Variants in NT5C2 observed in about 807,000 individuals in gnomAD.
The protein encoded by NT5C2 is 5'-nucleotidase, cytosolic II, also known as cytosolic purine 5'-nucleotidase.
A neutral mutation model predicts 76.1 loss-of-function variants in NT5C2; 58 were observed. The observed-to-expected ratio is 0.76, with a 90% confidence interval of 0.62 to 0.95. NT5C2 has a LOEUF of 0.95. Ranked by LOEUF, NT5C2 falls within the 40% of genes least tolerant of loss-of-function variation. NT5C2 has a pLI of 0.00. For synonymous variants in NT5C2, 229 were observed against 237.4 expected, an observed-to-expected ratio of 0.96 and a Z score of 0.32; for missense variants, 478 against 690.3, an observed-to-expected ratio of 0.69 and a Z score of 3.45.
chr10:103,106,676 C>T lies in NT5C2; in HGVS notation c.206G>A (p.Gly69Asp). Reference protein sequence around the residue: ...VYKSPEYESLGFELTVERLVS... With the variant: ...VYKSPEYESLDFELTVERLVS... ...TAATCTCTCCACAGTAAGCTCAAAA[C>T]CAAGGGACTCATACTCTGGGGACTT... The change falls in exon 5 of 19, where the codon GGT becomes GAT. Residue 69 changes from glycine (G) to aspartate (D), a missense_variant. Physicochemically the swap from Gly to Asp is moderately conservative, Grantham distance 94. Coordinates refer to ENST00000404739, the MANE Select transcript of NT5C2 (RefSeq NM_001351169.2). 6.2e-7 allele frequency: 1 copy of T among 1,613,250 alleles called. No individual in the cohort carries two copies. The highest frequency in any genetic ancestry group is 2.2e-5 in the East Asian group (1 of 44,848).
intron 3 of NT5C2, among the ~76,000 whole-genome samples, chr10:103,158,260 C>T (rs1213929962): frequency 1.3e-5 from 2 of 151,876 alleles, no homozygotes; most frequent in African/African-American, 4.8e-5. Context: ...GCTGTAAATG[C>T]ACATATTTAA....
intron 1 of NT5C2, among the ~76,000 whole-genome samples, chr10:103,191,367 A>G (rs1283785078): frequency 1.3e-5 from 2 of 148,758 alleles, no homozygotes; most frequent in African/African-American, 5.0e-5. Context: ...GGCCAACAAG[A>G]GCAAAGCTCC....
intron 4 of NT5C2, among the ~76,000 whole-genome samples, chr10:103,134,976 G>A (rs2078911772): frequency 6.6e-6 from 1 of 152,232 alleles, no homozygotes; most frequent in African/African-American, 2.4e-5. Flanking sequence ...CTCCCATTTG[G>A]AATGGCTGTA....
At chr10:103,099,075 C>G in intron 9 of NT5C2, 91 bp from the exon 10 acceptor site, 1 of 987,174 alleles carries the variant, frequency 1.0e-6, no homozygotes. Context: ...CTAATCAACC[C>G]AAATCCTTTC....
At chr10:103,179,347 C>A (rs2090662004) in intron 2 of NT5C2, among the ~76,000 whole-genome samples, 1 of 152,144 alleles carries the variant, frequency 6.6e-6, no homozygotes. Context: ...GGGTCTGGAT[C>A]AGGACCCCTT....
intron 11 of NT5C2, among the ~76,000 whole-genome samples, chr10:103,096,845 C>CAA (rs71019656): frequency 0.012 from 390 of 31,314 alleles, 35 homozygotes; most frequent in East Asian, 0.077. Flanking sequence ...GACTCTGTCT[C>CAA]AAAAAAAAAA....
chr10:103,155,974 G>A (rs1469955376), intron 3 of NT5C2, among the ~76,000 whole-genome samples: 1 of 152,018 alleles, frequency 6.6e-6, no homozygotes, highest in Non-Finnish European at 1.5e-5. Context: ...GACCAGCATG[G>A]GCAACATACA....
chr10:103,146,125 G>C, intron 3 of NT5C2: 16 of 985,298 alleles, frequency 1.6e-5, no homozygotes, highest in Non-Finnish European at 1.9e-5. Context: ...AAGGTCCCTA[G>C]TATAGTTTTT....
chr10:103,159,489 G>A (rs1171873370), intron 3 of NT5C2, among the ~76,000 whole-genome samples: 1 of 151,524 alleles, frequency 6.6e-6, no homozygotes, highest in Non-Finnish European at 1.5e-5. Context: ...CCACCAAAAA[G>A]AAAAAAATTT....
chr10:103,132,685 C>G (rs1464813876), intron 4 of NT5C2, among the ~76,000 whole-genome samples: 2 of 151,784 alleles, frequency 1.3e-5, no homozygotes, highest in African/African-American at 4.8e-5. Flanking sequence ...AGCTGGGACT[C>G]GGTACAGGCG....
At chr10:103,132,708 C>T (rs1329233663) in intron 4 of NT5C2, among the ~76,000 whole-genome samples, 1 of 152,032 alleles carries the variant, frequency 6.6e-6, no homozygotes, top group Non-Finnish European at 1.5e-5. Flanking sequence ...CGCCACCACG[C>T]CCGGCTAATT....
At position 103,175,456 on chromosome 10, in the gene NT5C2, G is replaced by A. The variant is rs142567293; in HGVS notation, c.-24-474C>T. The A allele has an allele frequency of 1.2e-3, 189 of 160,114 alleles. 1 individual carries two copies. Among genetic ancestry groups the A allele is most frequent in the African/African-American group, 4.0e-3 (168 of 41,570 alleles). 9.9% of individuals were successfully genotyped at this position (160,114 alleles called of 1,614,324 possible). On this transcript the variant is annotated intron_variant, in intron 2 of 18. Transcript: ENST00000404739. ...GCTCGTTTCCCCATTCCCGTAAGAC[G>A]CCAGCCCCACCCCTCTGCCTGCCCA...
intron 4 of NT5C2, among the ~76,000 whole-genome samples, chr10:103,135,880 T>C (rs2079101733): frequency 6.6e-6 from 1 of 151,862 alleles, no homozygotes; most frequent in South Asian, 2.1e-4. Context: ...AGGTCAGGGG[T>C]TCGAGACTGG....
rs372800976 is a variant in NT5C2, at chr10:103,101,262, T to A, written c.454A>T (p.Ile152Phe). 1.2e-6 allele frequency: 2 copies of A among 1,606,490 alleles called. No individual in the cohort carries two copies. The highest frequency in any genetic ancestry group is 3.3e-5 in the Admixed American group (2 of 59,988). ...IQRDDTERFYILNTLFNLPET... is the reference protein window; with the variant it reads ...IQRDDTERFYFLNTLFNLPET... ...GGTAGGTTGAATAGTGTGTTCAGAA[T>A]GTAAAATCTTTCAGTATCATCTCGC... is the stretch of plus-strand genomic sequence containing the variant. Residue 152 changes from isoleucine to phenylalanine, a missense_variant, in exon 7 of 19, where the codon ATT becomes TTT. Transcript: ENST00000404739.
At chr10:103,168,544 T>C (rs2086971916) in intron 3 of NT5C2, among the ~76,000 whole-genome samples, 1 of 152,226 alleles carries the variant, frequency 6.6e-6, no homozygotes, top group Admixed American at 6.5e-5. Context: ...AAGCTGCCTC[T>C]TTCAGGTCAC....
intron 4 of NT5C2, among the ~76,000 whole-genome samples, chr10:103,109,619 T>C (rs1236375840): frequency 6.6e-6 from 1 of 152,196 alleles, no homozygotes; most frequent in African/African-American, 2.4e-5. Context: ...AATTGTTAAT[T>C]TTTTCAGAAG....
At chr10:103,106,350 G>T (rs1434917503) in intron 5 of NT5C2, among the ~76,000 whole-genome samples, 1 of 152,120 alleles carries the variant, frequency 6.6e-6, no homozygotes, top group East Asian at 1.9e-4. Context: ...TTTTTTACCT[G>T]TAAGTGGGTC....
At chr10:103,146,068 CT>C in intron 3 of NT5C2, 4 of 985,318 alleles carry the variant, frequency 4.1e-6, no homozygotes, top group Non-Finnish European at 4.8e-6. Flanking sequence ...AAGTGTAAAA[CT>C]ATCTGAGTCA....
intron 1 of NT5C2, among the ~76,000 whole-genome samples, chr10:103,192,754 G>T (rs2092732370): frequency 6.6e-6 from 1 of 152,240 alleles, no homozygotes; most frequent in African/African-American, 2.4e-5. Flanking sequence ...CTGGGGGCGG[G>T]GAGGCTTTTA....
Sources: allele counts gnomAD v4.1 joint callset (sites outside exome capture counted in the v4.1 genomes callset), GRCh38; gene constraint gnomAD v4.1.1; transcripts MANE v1.5; gene names NCBI Gene and HGNC (gene_info 2026-07-23, HGNC 2026-07-21).